Variants in OTUD7A observed in about 807,000 individuals in gnomAD.
The protein encoded by OTUD7A is OTU domain-containing protein 7A.
OTUD7A carries 12 observed loss-of-function variants against 65.7 expected under a neutral mutation model. That is an observed-to-expected ratio of 0.18 (90% CI 0.12 to 0.30). OTUD7A has a LOEUF of 0.30. OTUD7A is among the 10% of genes least tolerant of loss of function. The probability of loss-of-function intolerance (pLI) is 1.00; values close to 1 mark genes in which losing one functional copy is unlikely to be tolerated. For missense variants in OTUD7A, 1,148 were observed against 1,304.8 expected (o/e 0.88, Z 1.85); for synonymous variants, 641 against 586.3 (o/e 1.09, Z -1.35).
intron 1 of OTUD7A, among the ~76,000 whole-genome samples, chr15:31,819,624 G>A (rs1039646442): frequency 1.3e-5 from 2 of 151,760 alleles, no homozygotes; most frequent in Admixed American, 6.6e-5. Flanking sequence ...TGTGTAGTCT[G>A]TTTTTTTCTA....
chr15:31,492,301 A>G (rs2041327115), intron 10 of OTUD7A, among the ~76,000 whole-genome samples: 1 of 152,222 alleles, frequency 6.6e-6, no homozygotes, highest in Non-Finnish European at 1.5e-5. Flanking sequence ...TAATTAGACC[A>G]GGTGTGGTGG....
intron 1 of OTUD7A, among the ~76,000 whole-genome samples, chr15:31,756,826 CT>C (rs1320362173): frequency 6.6e-6 from 1 of 152,212 alleles, no homozygotes; most frequent in African/African-American, 2.4e-5. Flanking sequence ...ACACCAGCTA[CT>C]GCGGACCTAA....
At chr15:31,549,383 C>T (rs1888245289) in intron 5 of OTUD7A, among the ~76,000 whole-genome samples, 1 of 152,148 alleles carries the variant, frequency 6.6e-6, no homozygotes, top group South Asian at 2.1e-4. Flanking sequence ...CTAAAGTGGT[C>T]CTCAGATTCC....
intron 1 of OTUD7A, among the ~76,000 whole-genome samples, chr15:31,791,546 G>A (rs556941936): frequency 5.3e-5 from 8 of 152,130 alleles, no homozygotes; most frequent in Non-Finnish European, 1.2e-4. Flanking sequence ...TCAACTAAAG[G>A]GACGCATGCG....
intron 3 of OTUD7A, among the ~76,000 whole-genome samples, chr15:31,572,529 C>T (rs898542754): frequency 6.6e-6 from 1 of 152,124 alleles, no homozygotes; most frequent in South Asian, 2.1e-4. Flanking sequence ...GCCTTAAACT[C>T]CTAAATCATT....
rs567628738 is a variant in OTUD7A, at chr15:31,584,384, G to T, written c.152-14187C>A. On this transcript the variant is annotated intron_variant, in intron 3 of 12. Transcript: ENST00000307050. ...ATGGGATCCTGAGAACACTTAAGTG[G>T]TTTTTGACAAACCAGAGGGCCTTGA... 7.4e-4 allele frequency among the ~76,000 whole-genome samples: 113 copies of T among 152,284 alleles called. 3 individuals are homozygous for T. The highest frequency in any genetic ancestry group is 2.6e-3 in the African/African-American group (108 of 41,574).
chr15:31,739,487 A>G (rs1294795418), intron 1 of OTUD7A, among the ~76,000 whole-genome samples: 1 of 152,262 alleles, frequency 6.6e-6, no homozygotes, highest in Non-Finnish European at 1.5e-5. Flanking sequence ...TTAGATAAAT[A>G]TGCACGTTGC....
At chr15:31,835,401 A>G (rs557118106) in intron 1 of OTUD7A, among the ~76,000 whole-genome samples, 3 of 152,242 alleles carry the variant, frequency 2.0e-5, no homozygotes, top group Non-Finnish European at 4.4e-5. Context: ...CAACTAAAAG[A>G]AGCACAAACT....
chr15:31,483,374 C>T lies in OTUD7A; in HGVS notation c.2722G>A (p.Ala908Thr). ...TAGGAGCAGTAGTGCTCGGTCTCGG[C>T]GCGCCCGTAGAACGCACAGTTCTCG... ...QRENCAFYGRAETEHYCSYCY... is the reference protein window; with the variant it reads ...QRENCAFYGRTETEHYCSYCY... Residue 908 changes from alanine to threonine, a missense_variant, in exon 13 of 13, where the codon GCC becomes ACC. Around this residue, in one of 6 missense-constraint regions of OTUD7A, gnomAD observed 842 missense variants for 769.5 expected, o/e 1.09. Transcript: ENST00000307050. 1.5e-6 allele frequency: 2 copies of T among 1,304,390 alleles called. No homozygotes were observed. Among genetic ancestry groups the T allele is most frequent in the African/African-American group, 1.6e-5 (1 of 63,460 alleles). 80.8% of individuals were successfully genotyped at this position (1,304,390 alleles called of 1,614,324 possible). A position where few individuals can be genotyped will look rare whatever the true frequency, so the allele number is the denominator to read the frequency against.
chr15:31,598,622 T>A (rs1889980381), intron 3 of OTUD7A, among the ~76,000 whole-genome samples: 1 of 152,038 alleles, frequency 6.6e-6, no homozygotes, highest in African/African-American at 2.4e-5. Context: ...TTTTTTTCCA[T>A]ACCCCAGTGG....
chr15:31,735,029 T>A (rs1456403870), intron 1 of OTUD7A, among the ~76,000 whole-genome samples: 1 of 139,856 alleles, frequency 7.2e-6, no homozygotes. Context: ...CCAGTATCTA[T>A]AAGGAACTCA....
intron 1 of OTUD7A, among the ~76,000 whole-genome samples, chr15:31,794,134 T>C (rs1469482828): frequency 6.6e-6 from 1 of 152,238 alleles, no homozygotes; most frequent in Non-Finnish European, 1.5e-5. Context: ...TTCATTTTTC[T>C]CTATATGGAA....
intron 10 of OTUD7A, among the ~76,000 whole-genome samples, chr15:31,494,460 G>A (rs554426289): frequency 2.0e-5 from 3 of 152,292 alleles, no homozygotes; most frequent in Admixed American, 2.0e-4. Context: ...AATTTCTATT[G>A]TTTATAAGCC....
At chr15:31,794,797 T>C (rs1200133571) in intron 1 of OTUD7A, among the ~76,000 whole-genome samples, 1 of 152,174 alleles carries the variant, frequency 6.6e-6, no homozygotes. Context: ...AGAGAGCCAA[T>C]CTTAAGTTGC....
intron 1 of OTUD7A, among the ~76,000 whole-genome samples, chr15:31,813,250 C>A (rs1043560270): frequency 6.7e-6 from 1 of 148,836 alleles, no homozygotes; most frequent in Non-Finnish European, 1.5e-5. Flanking sequence ...GATGCTGATA[C>A]CTGGGTCCAT....
intron 4 of OTUD7A, among the ~76,000 whole-genome samples, chr15:31,563,153 A>G (rs1328785239): frequency 6.6e-6 from 1 of 152,154 alleles, no homozygotes; most frequent in Non-Finnish European, 1.5e-5. Flanking sequence ...TCTCTCTGGT[A>G]GCAGAGAGAA....
At chr15:31,645,874 T>C (rs1381234291) in intron 3 of OTUD7A, among the ~76,000 whole-genome samples, 2 of 152,202 alleles carry the variant, frequency 1.3e-5, no homozygotes, top group East Asian at 1.9e-4. Context: ...AGGAAGGACC[T>C]TGAAGGCAGG....
rs73378696 is a variant in OTUD7A, at chr15:31,777,020, C to G, written c.-100+93487G>C. On this transcript the variant is annotated intron_variant, in intron 1 of 12. Transcript: ENST00000307050. ...GAGCATTTTGTTACAAGGCCACCTG[C>G]CCCCTAGCTCAGTGCATTTGGACAG... Among the ~76,000 whole-genome samples, 1,171 of 152,154 alleles carry G rather than the reference C, an allele frequency of 7.7e-3. 17 individuals carry two copies. Among genetic ancestry groups the G allele is most frequent in the African/African-American group, 0.027 (1,111 of 41,512 alleles).
intron 7 of OTUD7A, among the ~76,000 whole-genome samples, chr15:31,526,811 C>A (rs114486216): frequency 0.025 from 3,817 of 152,198 alleles, 160 homozygotes; most frequent in African/African-American, 0.087. Flanking sequence ...TGGGGACAAT[C>A]GGGAATCCCT....
Sources: allele counts gnomAD v4.1 joint callset (sites outside exome capture counted in the v4.1 genomes callset), GRCh38; gene constraint gnomAD v4.1.1; regional missense constraint gnomAD v4.1.1; transcripts MANE v1.5; gene names NCBI Gene and HGNC (gene_info 2026-07-23, HGNC 2026-07-21).